Variants in TRDN observed in about 807,000 individuals in gnomAD.
TRDN encodes the protein triadin in skeletal muscle.
A neutral mutation model predicts 149.7 loss-of-function variants in TRDN; 161 were observed. The observed-to-expected ratio is 1.08, with a 90% CI of 0.95 to 1.23. The LOEUF (loss-of-function observed/expected upper bound fraction) is 1.23. Among genes scored for constraint, TRDN ranks in the 50% most tolerant of loss-of-function variants. The probability of loss-of-function intolerance (pLI) is 0.00; values close to 1 mark genes in which losing one functional copy is unlikely to be tolerated. For missense variants in TRDN, 896 were observed against 823.5 expected, an observed-to-expected ratio of 1.09 and a Z score of -1.08; for synonymous variants, 294 against 250.5, an observed-to-expected ratio of 1.17 and a Z score of -1.64.
chr6:123,256,973 C>G (rs1453434411), intron 35 of TRDN, among the ~76,000 whole-genome samples: 1 of 114,270 alleles, frequency 8.8e-6, no homozygotes, highest in African/African-American at 3.6e-5. Context: ...AAATCTTTTT[C>G]TTTTCTTTTC....
At chr6:123,551,011 T>C (rs1321432690) in intron 2 of TRDN, among the ~76,000 whole-genome samples, 3 of 151,652 alleles carry the variant, frequency 2.0e-5, no homozygotes, top group Non-Finnish European at 4.4e-5. Flanking sequence ...ATTAAAGGCA[T>C]TTTTAGCAGT....
intron 38 of TRDN, among the ~76,000 whole-genome samples, chr6:123,238,372 G>A (rs980024961): frequency 1.3e-5 from 2 of 152,050 alleles, no homozygotes; most frequent in African/African-American, 2.4e-5. Flanking sequence ...GTTTAGAAGG[G>A]GTTTTCAAGT....
chr6:123,379,022 T>C (rs965033352), intron 16 of TRDN, among the ~76,000 whole-genome samples: 1 of 152,184 alleles, frequency 6.6e-6, no homozygotes, highest in Non-Finnish European at 1.5e-5. Context: ...CTTGACAACC[T>C]TGTCAAATTA....
intron 23 of TRDN, among the ~76,000 whole-genome samples, chr6:123,319,534 G>C (rs368553514): frequency 1.3e-5 from 2 of 152,010 alleles, no homozygotes; most frequent in Non-Finnish European, 2.9e-5. Flanking sequence ...ATAATGAGAT[G>C]CTTCAGGAAA....
chr6:123,322,780 A>G (rs1779293323), intron 23 of TRDN, among the ~76,000 whole-genome samples: 1 of 151,890 alleles, frequency 6.6e-6, no homozygotes, highest in South Asian at 2.1e-4. Flanking sequence ...AGCTGGGACT[A>G]TAGGTGCCTA....
intron 12 of TRDN, among the ~76,000 whole-genome samples, chr6:123,409,826 A>G (rs1029476753): frequency 2.6e-5 from 4 of 152,204 alleles, no homozygotes; most frequent in Admixed American, 2.6e-4. Flanking sequence ...CTGTCCATCC[A>G]GAAGACCAGT....
intron 4 of TRDN, among the ~76,000 whole-genome samples, chr6:123,545,205 A>T (rs1403458425): frequency 2.0e-5 from 3 of 151,982 alleles, no homozygotes; most frequent in Non-Finnish European, 4.4e-5. Flanking sequence ...CAAATGTTTT[A>T]AAAGACTATC....
Position 123,253,926 on chromosome 6 carries a change from C to A in TRDN, c.1951+1155G>T, listed in dbSNP as rs554644475. 3.9e-4 allele frequency among the ~76,000 whole-genome samples: 60 copies of A among 152,230 alleles called. No homozygotes were observed. The South Asian group carries it at 0.012, about 31-fold the overall frequency. On this transcript the variant is annotated intron_variant, in intron 37 of 40. Coordinates refer to ENST00000334268, the MANE Select transcript of TRDN (RefSeq NM_006073.4). ...GTATTTGCAGCAGCGTAATAGAATACTGAAGTACGAATAGATGGCCTTAAC... is the reference window on the plus strand; with the variant it reads ...GTATTTGCAGCAGCGTAATAGAATAATGAAGTACGAATAGATGGCCTTAAC...
chr6:123,331,576 C>T (rs988400168), intron 23 of TRDN, among the ~76,000 whole-genome samples: 16 of 151,936 alleles, frequency 1.1e-4, no homozygotes, highest in Admixed American at 7.2e-4. Flanking sequence ...TCCTAAGATT[C>T]GCTCTTTGGA....
At chr6:123,338,650 C>T (rs1033385539) in intron 21 of TRDN, among the ~76,000 whole-genome samples, 1 of 152,134 alleles carries the variant, frequency 6.6e-6, no homozygotes, top group African/African-American at 2.4e-5. Flanking sequence ...TGACTGCAAT[C>T]ACATGAGATA....
At chr6:123,262,743 A>G (rs772752592) in intron 33 of TRDN, among the ~76,000 whole-genome samples, 7 of 151,986 alleles carry the variant, frequency 4.6e-5, no homozygotes, top group Non-Finnish European at 7.4e-5. Flanking sequence ...CAATATTTCA[A>G]ATTTTTCATT....
In TRDN at chr6:123,516,124, T is replaced by C; in HGVS notation, c.550+17A>G. The C allele has an allele frequency of 1.4e-6, 2 of 1,475,200 alleles. No individual in the cohort carries two copies. Among genetic ancestry groups the C allele is most frequent in the South Asian group, 1.3e-5 (1 of 77,916 alleles). 91.4% of individuals were successfully genotyped at this position (1,475,200 alleles called of 1,614,324 possible). A position where few individuals can be genotyped will look rare whatever the true frequency, so the allele number is the denominator to read the frequency against. On this transcript the variant is annotated intron_variant, in intron 6 of 40. Coordinates refer to ENST00000334268, the MANE Select transcript of TRDN (RefSeq NM_006073.4). The stretch of plus-strand genomic sequence containing the variant: ...AAGGACTCAGTGTGTTAAACAGTAA[T>C]AAAAGTAACTTCATACCTTTCTTTT...
At chr6:123,301,756 T>TATATATATACATATATATATATATAC (rs1554221687) in intron 24 of TRDN, among the ~76,000 whole-genome samples, 109 of 71,230 alleles carry the variant, frequency 1.5e-3, no homozygotes, top group East Asian at 2.8e-3. Context: ...TATATACATA[T>TATATATATACATATATATATATATAC]ATATATATAT....
intron 9 of TRDN, among the ~76,000 whole-genome samples, chr6:123,478,380 A>C (rs1372268013): frequency 1.3e-5 from 2 of 152,210 alleles, no homozygotes; most frequent in Admixed American, 1.3e-4. Context: ...CAATTTCTGC[A>C]GTTCTAGATA....
intron 26 of TRDN, 71 bp from the exon 27 acceptor site, chr6:123,274,741 A>AT: frequency 2.1e-6 from 3 of 1,398,856 alleles, no homozygotes; most frequent in Non-Finnish European, 3.0e-6. Context: ...ATTTTTAGAA[A>AT]TAATTTTATT....
chr6:123,368,201 C>T lies in TRDN; in HGVS notation c.1274-2019G>A, dbSNP rs80018109. Among the ~76,000 whole-genome samples, 454 of 152,254 alleles carry T rather than the reference C, an allele frequency of 3.0e-3. 12 individuals carry two copies. In the East Asian group the frequency reaches 0.074, roughly 25 times the overall value. ...ATGCATATTTATATCCTCTTTGTTT[C>T]TCATTACTCTTCATAGATTATCTCC... On this transcript the variant is annotated intron_variant, in intron 19 of 40. Coordinates refer to ENST00000334268, the MANE Select transcript of TRDN (RefSeq NM_006073.4).
chr6:123,313,057 C>T (rs1778892335), intron 24 of TRDN, among the ~76,000 whole-genome samples: 1 of 151,902 alleles, frequency 6.6e-6, no homozygotes, highest in African/African-American at 2.4e-5. Flanking sequence ...ATATTCTTTC[C>T]TCCACTTGGT....
intron 23 of TRDN, among the ~76,000 whole-genome samples, chr6:123,325,809 T>C (rs1779429576): frequency 6.6e-6 from 1 of 152,134 alleles, no homozygotes; most frequent in South Asian, 2.1e-4. Flanking sequence ...CCTTTTGGGA[T>C]AAGTCTCTGA....
chr6:123,352,601 T>C lies in TRDN; in HGVS notation c.1322-15A>G, dbSNP rs1256189664. On this transcript the variant is annotated splice_polypyrimidine_tract_variant and intron_variant, in intron 20 of 40. Transcript: ENST00000334268. Reference sequence around the variant, plus strand: ...TCCAGGTACAGCTGCAAAACAAAGATAAGGTTTAAAGAAGAGTTCCAGACA... The same window carrying C: ...TCCAGGTACAGCTGCAAAACAAAGACAAGGTTTAAAGAAGAGTTCCAGACA... 1.2e-6 allele frequency: 2 copies of C among 1,609,182 alleles called. No homozygotes were observed. Among genetic ancestry groups the C allele is most frequent in the Non-Finnish European group, 1.7e-6 (2 of 1,177,682 alleles).
Sources: allele counts gnomAD v4.1 joint callset (sites outside exome capture counted in the v4.1 genomes callset), GRCh38; gene constraint gnomAD v4.1.1; transcripts MANE v1.5; gene names NCBI Gene and HGNC (gene_info 2026-07-23, HGNC 2026-07-21).